The following COLEC12 variants were observed in gnomAD, a reference collection of about 807,000 sequenced individuals.
The protein encoded by COLEC12 is collectin subfamily member 12.
A neutral mutation model predicts 71.1 loss-of-function variants in COLEC12; 33 were observed. The observed-to-expected ratio is 0.46, with a 90% CI of 0.35 to 0.62. The LOEUF is 0.62. COLEC12 is among the 20% of genes least tolerant of loss of function. COLEC12 has a pLI of 0.00. For synonymous variants in COLEC12, 350 were observed against 353.0 expected, an observed-to-expected ratio of 0.99 and a Z score of 0.10; for missense variants, 765 against 916.1, an observed-to-expected ratio of 0.84 and a Z score of 2.13.
At chr18:475,803 T>A (rs1189673880) in intron 2 of COLEC12, among the ~76,000 whole-genome samples, 1 of 152,164 alleles carries the variant, frequency 6.6e-6, no homozygotes, top group Non-Finnish European at 1.5e-5. Context: ...ACTGGAGCCA[T>A]GAATTTAAAG....
chr18:357,639 T>A, intron 2 of COLEC12, 117 bp from the exon 3 acceptor site: 1 of 761,282 alleles, frequency 1.3e-6, no homozygotes. Context: ...TGCCTTACTA[T>A]ACTATGAGAA....
chr18:363,770 T>C (rs1598339341), intron 2 of COLEC12, among the ~76,000 whole-genome samples: 1 of 152,216 alleles, frequency 6.6e-6, no homozygotes, highest in Non-Finnish European at 1.5e-5. Context: ...CTTTTCCTTA[T>C]GATGAAGGCT....
At chr18:445,499 T>C (rs1461762107) in intron 2 of COLEC12, among the ~76,000 whole-genome samples, 3 of 152,190 alleles carry the variant, frequency 2.0e-5, no homozygotes, top group African/African-American at 7.2e-5. Context: ...ATTTAAAGTA[T>C]ACAATTCAAT....
At chr18:342,198 C>T (rs567447775) in intron 5 of COLEC12, among the ~76,000 whole-genome samples, 9 of 152,220 alleles carry the variant, frequency 5.9e-5, no homozygotes, top group South Asian at 2.1e-4. Flanking sequence ...GCTGGGATTA[C>T]GGGCATGTGC....
intron 9 of COLEC12, 43 bp downstream of exon 9, chr18:321,612 TCATAGGA>T: frequency 1.2e-6 from 2 of 1,609,586 alleles, no homozygotes; most frequent in Non-Finnish European, 1.7e-6. Flanking sequence ...CCTCACCCTT[TCATAGGA>T]CATAAGCTGG....
intron 2 of COLEC12, among the ~76,000 whole-genome samples, chr18:373,300 G>A (rs565625798): frequency 3.3e-5 from 5 of 152,218 alleles, no homozygotes; most frequent in South Asian, 2.1e-4. Context: ...CACAGTGACC[G>A]CTGGAAAGGG....
intron 2 of COLEC12, among the ~76,000 whole-genome samples, chr18:413,180 G>A (rs934112883): frequency 2.6e-5 from 4 of 152,154 alleles, no homozygotes; most frequent in African/African-American, 7.2e-5. Context: ...ATTTGAATAT[G>A]GGCAGAAGAC....
At chr18:470,579 T>G (rs2143752700) in intron 2 of COLEC12, among the ~76,000 whole-genome samples, 1 of 151,236 alleles carries the variant, frequency 6.6e-6, no homozygotes, top group South Asian at 2.1e-4. Context: ...AGACCCTGTC[T>G]CTAAAAAAAA....
chr18:371,533 G>C (rs1160024352), intron 2 of COLEC12, among the ~76,000 whole-genome samples: 2 of 152,118 alleles, frequency 1.3e-5, no homozygotes, highest in African/African-American at 4.8e-5. Flanking sequence ...TTCTTTCAAA[G>C]GTTTCTGCTG....
At chr18:368,587 G>A (rs371745580) in intron 2 of COLEC12, among the ~76,000 whole-genome samples, 28 of 151,416 alleles carry the variant, frequency 1.8e-4, no homozygotes, top group Admixed American at 3.3e-4. Context: ...AAACAAGGCC[G>A]GGCGCGGTGG....
At chr18:463,920 C>T (rs1383035288) in intron 2 of COLEC12, among the ~76,000 whole-genome samples, 12 of 152,168 alleles carry the variant, frequency 7.9e-5, no homozygotes, top group Admixed American at 7.9e-4. Context: ...TTTTCTAGCT[C>T]ACTAGCCTGG....
intron 2 of COLEC12, among the ~76,000 whole-genome samples, chr18:379,145 C>T (rs1219340363): frequency 6.6e-6 from 1 of 151,002 alleles, no homozygotes; most frequent in Non-Finnish European, 1.5e-5. Context: ...TTCTTTGAGA[C>T]AGGGTCTTGC....
chr18:432,639 T>TA (rs1916326713), intron 2 of COLEC12, among the ~76,000 whole-genome samples: 1 of 152,162 alleles, frequency 6.6e-6, no homozygotes, highest in African/African-American at 2.4e-5. Flanking sequence ...CCAGCTGGAC[T>TA]AATCCACAAA....
intron 2 of COLEC12, among the ~76,000 whole-genome samples, chr18:419,683 T>A (rs1035471173): frequency 1.3e-5 from 2 of 152,184 alleles, no homozygotes; most frequent in African/African-American, 4.8e-5. Flanking sequence ...AAAAATAATT[T>A]TTGTAGATGT....
At chr18:451,895 C>T (rs768498371) in intron 2 of COLEC12, among the ~76,000 whole-genome samples, 4 of 152,120 alleles carry the variant, frequency 2.6e-5, no homozygotes, top group Non-Finnish European at 4.4e-5. Context: ...CAGAAATTCA[C>T]GTAAGTAAAG....
intron 2 of COLEC12, among the ~76,000 whole-genome samples, chr18:372,002 G>A (rs1005331410): frequency 6.6e-6 from 1 of 152,154 alleles, no homozygotes; most frequent in African/African-American, 2.4e-5. Context: ...TTTTATATCT[G>A]CACACTTGGT....
At chr18:471,384 G>T (rs1016812839) in intron 2 of COLEC12, among the ~76,000 whole-genome samples, 3 of 146,428 alleles carry the variant, frequency 2.0e-5, no homozygotes, top group South Asian at 2.1e-4. Context: ...TTCAAAATCT[G>T]CTTAAGACTA....
chr18:449,880 CCT>C (rs1191484449), intron 2 of COLEC12, among the ~76,000 whole-genome samples: 1 of 152,210 alleles, frequency 6.6e-6, no homozygotes, highest in East Asian at 1.9e-4. Context: ...CTTTTTACCT[CCT>C]CTCTTTTAAA....
chr18:470,220 ATTTTTTTTTTTTT>A (rs71174234), intron 2 of COLEC12, among the ~76,000 whole-genome samples: 47 of 92,382 alleles, frequency 5.1e-4, no homozygotes, highest in Non-Finnish European at 7.2e-4. Flanking sequence ...AGGCCAGGAA[ATTTTTTTTTTTTT>A]TTTTTTTTTT....
Sources: allele counts gnomAD v4.1 joint callset (sites outside exome capture counted in the v4.1 genomes callset), GRCh38; gene constraint gnomAD v4.1.1; transcripts MANE v1.5; gene names NCBI Gene and HGNC (gene_info 2026-07-23, HGNC 2026-07-21).